Variants in TNRC6A observed in about 807,000 individuals in gnomAD.
TNRC6A encodes the protein trinucleotide repeat-containing gene 6A protein.
A neutral mutation model predicts 221.2 loss-of-function variants in TNRC6A; 44 were observed. The observed-to-expected ratio is 0.20, with a 90% CI of 0.16 to 0.26. TNRC6A has a LOEUF of 0.26. Among genes scored for constraint, TNRC6A ranks in the 10% least tolerant of loss-of-function variants. The pLI is 1.00. For synonymous variants in TNRC6A, 847 were observed against 838.5 expected, an observed-to-expected ratio of 1.01 and a Z score of -0.18; for missense variants, 2,199 against 2,404.4, an observed-to-expected ratio of 0.91 and a Z score of 1.79.
At chr16:24,668,801 T>G (rs2055228922) in intron 2 of TNRC6A, among the ~76,000 whole-genome samples, 1 of 152,204 alleles carries the variant, frequency 6.6e-6, no homozygotes, top group Non-Finnish European at 1.5e-5. Context: ...CTTTGGTTGC[T>G]TTGCAGCACT....
At chr16:24,818,735 G>C (rs757088161) in intron 21 of TNRC6A, 35 bp downstream of exon 21, 16 of 1,534,860 alleles carry the variant, frequency 1.0e-5, no homozygotes, top group Non-Finnish European at 1.8e-6. Context: ...GGGAGGGTTG[G>C]TCACAGCCAG....
At chr16:24,771,601 T>TGTG (rs2057610928) in intron 4 of TNRC6A, among the ~76,000 whole-genome samples, 1 of 119,990 alleles carries the variant, frequency 8.3e-6, no homozygotes, top group South Asian at 2.5e-4. Context: ...TATGTTATGT[T>TGTG]ATGTTATGTT....
At chr16:24,655,596 G>C (rs1185322980) in intron 2 of TNRC6A, among the ~76,000 whole-genome samples, 1 of 152,066 alleles carries the variant, frequency 6.6e-6, no homozygotes, top group African/African-American at 2.4e-5. Flanking sequence ...GGCTGAAGTA[G>C]AAGAATTGCT....
At chr16:24,727,864 G>A (rs2056518635), upstream of TNRC6A, among the ~76,000 whole-genome samples, 2 of 151,782 alleles carry the variant, frequency 1.3e-5, no homozygotes, top group Non-Finnish European at 2.9e-5. Context: ...GATGATAGCA[G>A]GAAAAGGAAA....
intron 2 of TNRC6A, among the ~76,000 whole-genome samples, chr16:24,706,797 A>G (rs1337345508): frequency 6.6e-6 from 1 of 151,920 alleles, no homozygotes; most frequent in Non-Finnish European, 1.5e-5. Context: ...TTGAGAAGCT[A>G]CTAAATGGTA....
intron 2 of TNRC6A, among the ~76,000 whole-genome samples, chr16:24,698,673 GCTCC>G (rs2055910294): frequency 6.6e-6 from 1 of 152,154 alleles, no homozygotes; most frequent in Non-Finnish European, 1.5e-5. Context: ...CAGAGCCTGT[GCTCC>G]CTTCCTTGAG....
rs2057297061 is a variant in TNRC6A at position 24,758,438 on chromosome 16, G to A, written c.163+78G>A. 7 of 1,429,202 alleles carry A rather than the reference G, an allele frequency of 4.9e-6. No individual in the cohort carries two copies. The South Asian group carries it at 8.1e-5, about 17-fold the overall frequency. The allele number at this position is 1,429,202 out of a possible 1,614,324, so 88.5% of individuals were successfully genotyped here. ...TTATGTGCATTTTTGTTCACCTCAA[G>A]GATGGGAGAGAGAAGAGCATGAAAG... On this transcript the variant is annotated intron_variant, in intron 4 of 24. Coordinates refer to ENST00000395799, the MANE Select transcript of TNRC6A (RefSeq NM_014494.4).
chr16:24,813,157 G>A (rs905194654), intron 18 of TNRC6A, among the ~76,000 whole-genome samples: 8 of 152,070 alleles, frequency 5.3e-5, no homozygotes, highest in Middle Eastern at 3.2e-3. Context: ...GATTATAGGC[G>A]TGAGCCACCA....
chr16:24,807,549 C>T (rs1383079650), intron 17 of TNRC6A, among the ~76,000 whole-genome samples: 1 of 152,104 alleles, frequency 6.6e-6, no homozygotes, highest in African/African-American at 2.4e-5. Flanking sequence ...GTTTTAACTA[C>T]TGTCTAACTA....
Position 24,635,154 on chromosome 16 carries a change from TTTCC to T in TNRC6A, n.277-5710_277-5707del, listed in dbSNP as rs796373125. ...TCTTTCTTTTTCTTTTCTTTCCTTC[TTTCC>T]TTCCTTCCTTCCTTCCTTCTTTCCT... On this transcript the variant is annotated intron_variant and non_coding_transcript_variant, in intron 1 of 2. Coordinates refer to the TNRC6A transcript ENST00000566108. Among the ~76,000 whole-genome samples the T allele has an allele frequency of 4.4e-4, 66 of 150,598 alleles. 1 individual carries two copies. The highest frequency in any genetic ancestry group is 3.4e-3 in the Middle Eastern group (1 of 290).
intron 1 of TNRC6A, among the ~76,000 whole-genome samples, chr16:24,623,883 A>G (rs1214970161): frequency 6.9e-6 from 1 of 144,242 alleles, no homozygotes; most frequent in Non-Finnish European, 1.5e-5. Context: ...GCATGGGTAA[A>G]GGAGCAAGAC....
chr16:24,722,960 A>G (rs1331380421), intron 2 of TNRC6A, among the ~76,000 whole-genome samples: 1 of 152,066 alleles, frequency 6.6e-6, no homozygotes, highest in Admixed American at 6.6e-5. Flanking sequence ...CAGCTAAGTG[A>G]CTGGTGGTGT....
At chr16:24,675,503 A>G (rs1022714300) in intron 2 of TNRC6A, among the ~76,000 whole-genome samples, 1 of 151,702 alleles carries the variant, frequency 6.6e-6, no homozygotes, top group Non-Finnish European at 1.5e-5. Flanking sequence ...CAACATGGTG[A>G]AACCCATCTC....
intron 2 of TNRC6A, among the ~76,000 whole-genome samples, chr16:24,702,175 CTTTTTTCT>C (rs2055996978): frequency 2.2e-4 from 5 of 22,300 alleles, no homozygotes; most frequent in Non-Finnish European, 4.0e-4. Flanking sequence ...TTTCTTTTTT[CTTTTTTCT>C]TTTTTTTTTT....
intron 4 of TNRC6A, among the ~76,000 whole-genome samples, chr16:24,773,994 A>G (rs2057667908): frequency 6.6e-6 from 1 of 152,162 alleles, no homozygotes; most frequent in Admixed American, 6.5e-5. Flanking sequence ...TTATTGTGAC[A>G]CAGATAATTG....
chr16:24,825,225 T>C lies in TNRC6A; in HGVS notation c.*1418T>C, dbSNP rs898257964. The C allele has an allele frequency of 1.3e-5, 2 of 152,648 alleles. No individual in the cohort carries two copies. Among genetic ancestry groups the C allele is most frequent in the Non-Finnish European group, 2.9e-5 (2 of 68,046 alleles). The allele number at this position is 152,648 out of a possible 1,614,324, so 9.5% of individuals were successfully genotyped here. ...CTTTTTTTGCCCACAAATGGTATTA[T>C]AATGCTTGCTTAGTCAAAGAAGAGA... is the stretch of plus-strand genomic sequence containing the variant. On this transcript the variant is annotated 3_prime_UTR_variant, in exon 25 of 25. Transcript: ENST00000395799.
chr16:24,768,829 A>G (rs1389933629), intron 4 of TNRC6A, among the ~76,000 whole-genome samples: 2 of 152,212 alleles, frequency 1.3e-5, no homozygotes, highest in African/African-American at 4.8e-5. Flanking sequence ...CTATTATACA[A>G]AGTTAAATAG....
rs374949979 is a variant in TNRC6A, at chr16:24,790,648, C to G, written c.2006C>G (p.Thr669Arg). The G allele has an allele frequency of 1.2e-6, 2 of 1,614,142 alleles. No homozygotes were observed. Among genetic ancestry groups the G allele is most frequent in the South Asian group, 2.2e-5 (2 of 91,082 alleles). ...AGTGTGTGGGCCAAAACAGGAGGTACAGTGGAGAGCGATGGTAGTACAGAA... is the reference window on the plus strand; with the variant it reads ...AGTGTGTGGGCCAAAACAGGAGGTAGAGTGGAGAGCGATGGTAGTACAGAA... Reference protein sequence around the residue: ...QSSVWAKTGGTVESDGSTEST... With the variant: ...QSSVWAKTGGRVESDGSTEST... Residue 669 changes from threonine (T) to arginine (R), a missense_variant, in exon 6 of 25, where the codon ACA becomes AGA. By Grantham distance (71) the Thr-to-Arg change is moderately conservative (BLOSUM62 -1). Transcript: ENST00000395799.
intron 18 of TNRC6A, among the ~76,000 whole-genome samples, chr16:24,810,615 A>G (rs181740619): frequency 6.6e-6 from 1 of 152,340 alleles, no homozygotes; most frequent in African/African-American, 2.4e-5. Flanking sequence ...ACCAAGAAAG[A>G]ATAGTGCATG....
Sources: gnomAD v4.1 joint callset for allele counts (sites outside exome capture counted in the v4.1 genomes callset) on GRCh38, gnomAD v4.1.1 for gene constraint, MANE v1.5 for transcripts, NCBI Gene and HGNC (gene_info 2026-07-23, HGNC 2026-07-21) for gene names.